Variants in SEMA5A observed in about 807,000 individuals in gnomAD.
The protein encoded by SEMA5A is semaphorin-5A.
In SEMA5A, 55 loss-of-function variants were observed where a neutral mutation model predicts 135.5. The observed-to-expected ratio is 0.41, with a 90% CI of 0.33 to 0.51. The LOEUF is 0.51. Ranked by LOEUF, SEMA5A falls within the 20% of genes least tolerant of loss-of-function variation. SEMA5A has a pLI of 0.37. For synonymous variants in SEMA5A, 580 were observed against 546.5 expected, an observed-to-expected ratio of 1.06 and a Z score of -0.85; for missense variants, 1,290 against 1,419.9, an observed-to-expected ratio of 0.91 and a Z score of 1.47.
chr5:9,108,082 T>G (rs1031033874), intron 16 of SEMA5A, 58 bp downstream of exon 16: 1 of 1,577,682 alleles, frequency 6.3e-7, no homozygotes, highest in African/African-American at 1.3e-5. Context: ...TTTGTGTGTA[T>G]TGAGTCTGTA....
intron 4 of SEMA5A, among the ~76,000 whole-genome samples, chr5:9,326,092 T>C (rs1752859886): frequency 6.6e-6 from 1 of 152,122 alleles, no homozygotes; most frequent in African/African-American, 2.4e-5. Flanking sequence ...CTGACCAGTC[T>C]CTCCTGTCCC....
intron 4 of SEMA5A, among the ~76,000 whole-genome samples, chr5:9,319,830 CG>C (rs1752547079): frequency 9.4e-6 from 1 of 106,180 alleles, no homozygotes; most frequent in Non-Finnish European, 1.8e-5. Context: ...CTATCGTGGG[CG>C]GGGGGTGGGG....
In SEMA5A at chr5:9,486,678, A is replaced by G. The variant is rs534159187; in HGVS notation, c.-174-48826T>C. Among the ~76,000 whole-genome samples the G allele has an allele frequency of 1.6e-4, 25 of 152,252 alleles. No homozygotes were observed. The East Asian group carries it at 4.3e-3, about 26-fold the overall frequency. On this transcript the variant is annotated intron_variant, in intron 1 of 22. Transcript: ENST00000382496. ...AAAGAAGAAACAGAAATAGAAATGCATGGAAAAAAATGGACTCCTCAGACT... is the reference window on the plus strand; with the variant it reads ...AAAGAAGAAACAGAAATAGAAATGCGTGGAAAAAAATGGACTCCTCAGACT...
intron 5 of SEMA5A, among the ~76,000 whole-genome samples, chr5:9,278,246 G>A (rs1448962905): frequency 6.6e-6 from 1 of 152,114 alleles, no homozygotes; most frequent in Non-Finnish European, 1.5e-5. Context: ...CTGCCCTAGA[G>A]ATCTGTGGAA....
At chr5:9,457,713 T>C (rs577559341) in intron 1 of SEMA5A, among the ~76,000 whole-genome samples, 5 of 152,198 alleles carry the variant, frequency 3.3e-5, no homozygotes, top group Non-Finnish European at 7.3e-5. Context: ...ATTTTACAAC[T>C]GTAAGGATTC....
At chr5:9,382,011 C>T (rs1433015937) in intron 2 of SEMA5A, among the ~76,000 whole-genome samples, 3 of 146,308 alleles carry the variant, frequency 2.1e-5, no homozygotes, top group Non-Finnish European at 4.5e-5. Flanking sequence ...GTTTCAGACA[C>T]GTGGCCAGGC....
At chr5:9,263,284 C>T (rs1167935599) in intron 5 of SEMA5A, among the ~76,000 whole-genome samples, 1 of 152,168 alleles carries the variant, frequency 6.6e-6, no homozygotes, top group Admixed American at 6.5e-5. Flanking sequence ...TGGTCCATGG[C>T]CTGTTAGGAA....
chr5:9,114,770 C>T (rs566615237), intron 15 of SEMA5A, among the ~76,000 whole-genome samples: 2 of 152,278 alleles, frequency 1.3e-5, no homozygotes, highest in East Asian at 3.9e-4. Context: ...AAATCAGTCA[C>T]TTTTAATGGC....
At chr5:9,469,501 T>C (rs1327061156) in intron 1 of SEMA5A, among the ~76,000 whole-genome samples, 1 of 152,154 alleles carries the variant, frequency 6.6e-6, no homozygotes, top group Admixed American at 6.5e-5. Flanking sequence ...ATGTACAAGA[T>C]TTTTGCAAGC....
At chr5:9,396,622 G>T (rs1756414731) in intron 2 of SEMA5A, among the ~76,000 whole-genome samples, 1 of 152,112 alleles carries the variant, frequency 6.6e-6, no homozygotes, top group African/African-American at 2.4e-5. Flanking sequence ...TACCACAGCA[G>T]TAGGGAACAC....
chr5:9,165,320 A>G (rs1184670237), intron 11 of SEMA5A, among the ~76,000 whole-genome samples: 1 of 152,234 alleles, frequency 6.6e-6, no homozygotes, highest in African/African-American at 2.4e-5. Context: ...AGAAAAGGAA[A>G]CGAATTGAGG....
At chr5:9,181,915 T>C (rs1031850165) in intron 11 of SEMA5A, among the ~76,000 whole-genome samples, 2 of 151,868 alleles carry the variant, frequency 1.3e-5, no homozygotes, top group African/African-American at 2.4e-5. Context: ...TATTAAGAAG[T>C]TGTCTAGATG....
At chr5:9,482,039 A>G (rs391353) in intron 1 of SEMA5A, among the ~76,000 whole-genome samples, 150,072 of 152,314 alleles carry the variant, frequency 0.99, 74,122 homozygotes, top group Middle Eastern at 1. Context: ...TCAGTGCCTC[A>G]TGAAATTTCA....
intron 1 of SEMA5A, among the ~76,000 whole-genome samples, chr5:9,486,226 C>T (rs1309025361): frequency 1.3e-5 from 2 of 152,008 alleles, no homozygotes; most frequent in South Asian, 2.1e-4. Context: ...ACAATGAGAA[C>T]ACATGGACAC....
chr5:9,322,449 G>T (rs1456232647), intron 4 of SEMA5A, among the ~76,000 whole-genome samples: 1 of 152,038 alleles, frequency 6.6e-6, no homozygotes, highest in East Asian at 1.9e-4. Flanking sequence ...ACCAGCACCA[G>T]CACCATCACC....
intron 10 of SEMA5A, among the ~76,000 whole-genome samples, chr5:9,196,569 G>A (rs1806118): frequency 6.6e-6 from 1 of 152,218 alleles, no homozygotes; most frequent in African/African-American, 2.4e-5. Flanking sequence ...CCAAACATGA[G>A]TAAATTGCTT....
intron 5 of SEMA5A, among the ~76,000 whole-genome samples, chr5:9,289,446 G>A (rs992988844): frequency 3.9e-5 from 6 of 151,972 alleles, no homozygotes; most frequent in Non-Finnish European, 8.8e-5. Flanking sequence ...GAGGCAGATC[G>A]CGAGGTCAGG....
chr5:9,078,983 T>A (rs1738222988), intron 16 of SEMA5A, among the ~76,000 whole-genome samples: 2 of 151,918 alleles, frequency 1.3e-5, no homozygotes, highest in African/African-American at 4.8e-5. Context: ...TTTGAGCTTT[T>A]GAGAAATATA....
intron 8 of SEMA5A, among the ~76,000 whole-genome samples, chr5:9,207,102 G>GTGTATATATATATATATATATATA (rs1405308378): frequency 2.0e-5 from 2 of 97,698 alleles, no homozygotes; most frequent in African/African-American, 7.8e-5. Context: ...ATGATCAAGT[G>GTGTATATATATATATATATATATA]TATATATATA....
Sources: gnomAD v4.1 joint callset for allele counts (sites outside exome capture counted in the v4.1 genomes callset) on GRCh38, gnomAD v4.1.1 for gene constraint, MANE v1.5 for transcripts, NCBI Gene and HGNC (gene_info 2026-07-23, HGNC 2026-07-21) for gene names.